The following PPP1R9A variants were observed in gnomAD, a reference collection of about 807,000 sequenced individuals.
The protein encoded by PPP1R9A is protein phosphatase 1 regulatory subunit 9A, also known as neurabin-1.
PPP1R9A carries 59 observed loss-of-function variants against 141.9 expected under a neutral mutation model. The ratio of observed to expected loss-of-function variants is 0.42; its 90% CI spans 0.34 to 0.52. PPP1R9A has a LOEUF of 0.52. Among genes scored for constraint, PPP1R9A ranks in the 20% least tolerant of loss-of-function variants. The probability of loss-of-function intolerance (pLI) is 0.10; values close to 1 mark genes in which losing one functional copy is unlikely to be tolerated. For missense variants in PPP1R9A, 1,444 were observed against 1,611.9 expected, an observed-to-expected ratio of 0.90 and a Z score of 1.78; for synonymous variants, 500 against 569.7, an observed-to-expected ratio of 0.88 and a Z score of 1.74.
At chr7:95,092,046 A>G (rs1276646486) in intron 2 of PPP1R9A, among the ~76,000 whole-genome samples, 1 of 151,976 alleles carries the variant, frequency 6.6e-6, no homozygotes, top group Non-Finnish European at 1.5e-5. Flanking sequence ...TGGTAGCTGC[A>G]CTTCTCCTTT....
chr7:94,916,142 GGCCC>G lies in PPP1R9A; in HGVS notation c.1395+4635_1395+4638del, dbSNP rs772279620. Reference sequence around the variant, plus strand: ...GCTTGCATTCTCATTATCAATACTTGGCCCAGCCTGAGTGTTGCCTCTGTCTCAT... The same window carrying G: ...GCTTGCATTCTCATTATCAATACTTGAGCCTGAGTGTTGCCTCTGTCTCAT... On this transcript the variant is annotated intron_variant, in intron 2 of 19. Coordinates refer to ENST00000433360, the MANE Select transcript of PPP1R9A (RefSeq NM_001166160.2). Among the ~76,000 whole-genome samples the G allele has an allele frequency of 5.6e-3, 854 of 152,018 alleles. 2 individuals are homozygous for G. The highest frequency in any genetic ancestry group is 0.01 in the Middle Eastern group (3 of 294).
At chr7:95,037,708 C>T (rs952717088) in intron 2 of PPP1R9A, among the ~76,000 whole-genome samples, 2 of 152,018 alleles carry the variant, frequency 1.3e-5, no homozygotes, top group African/African-American at 2.4e-5. Flanking sequence ...TGCGTGCGCG[C>T]GTGTGTGTGT....
rs1291138415 is a variant in PPP1R9A, at chr7:95,286,227, T to A, written c.3631T>A (p.Phe1211Ile). 1 of 1,613,458 alleles carries A rather than the reference T, an allele frequency of 6.2e-7. No homozygotes were observed. Among genetic ancestry groups the A allele is most frequent in the South Asian group, 1.1e-5 (1 of 91,072 alleles). ...ETNNFTFNDD[F>I]SPSSTSSADL... ...ACAGAATTTTACCTTCAATGATGAC[T>A]TCAGTCCCAGCAGTACCAGTTCAGC... The change falls in exon 18 of 20, where the codon TTC (phenylalanine) becomes ATC (isoleucine). Residue 1211 changes from phenylalanine (F) to isoleucine (I), a missense_variant. Phe to Ile is a conservative substitution (Grantham distance 21). Around this residue, in one of 5 missense-constraint regions of PPP1R9A, gnomAD observed 459 missense variants for 513.8 expected, o/e 0.89. Transcript: ENST00000433360.
chr7:94,938,609 A>G (rs1283298933), intron 2 of PPP1R9A, among the ~76,000 whole-genome samples: 1 of 152,130 alleles, frequency 6.6e-6, no homozygotes, highest in Non-Finnish European at 1.5e-5. Context: ...TTATTTAAAA[A>G]ATTTCTTTGA....
chr7:95,143,084 C>T (rs562626268), intron 4 of PPP1R9A, among the ~76,000 whole-genome samples: 32 of 152,196 alleles, frequency 2.1e-4, no homozygotes, highest in African/African-American at 3.9e-4. Flanking sequence ...TCCTGGCCCT[C>T]TTTGTTGAAT....
At chr7:95,258,201 T>C (rs889646659) in intron 12 of PPP1R9A, among the ~76,000 whole-genome samples, 3 of 152,140 alleles carry the variant, frequency 2.0e-5, no homozygotes, top group African/African-American at 7.2e-5. Flanking sequence ...TTTTTAATGA[T>C]CACCATTCTA....
chr7:95,026,020 C>T (rs1243701926), intron 2 of PPP1R9A, among the ~76,000 whole-genome samples: 1 of 152,132 alleles, frequency 6.6e-6, no homozygotes, highest in Non-Finnish European at 1.5e-5. Flanking sequence ...TGGGTTAGAA[C>T]ATGTTCCTTT....
At chr7:95,019,433 G>A (rs377489141) in intron 2 of PPP1R9A, among the ~76,000 whole-genome samples, 152 of 152,166 alleles carry the variant, frequency 1.0e-3, no homozygotes, top group Non-Finnish European at 1.4e-3. Context: ...AATCTTCACC[G>A]TTGGGGCATG....
chr7:95,097,180 C>G (rs375359367), intron 2 of PPP1R9A, among the ~76,000 whole-genome samples: 1 of 152,078 alleles, frequency 6.6e-6, no homozygotes, highest in Admixed American at 6.5e-5. Flanking sequence ...CCTGCCACTA[C>G]GCCCAGCTAA....
intron 2 of PPP1R9A, among the ~76,000 whole-genome samples, chr7:94,997,766 C>G (rs1046231995): frequency 5.9e-5 from 9 of 152,162 alleles, no homozygotes; most frequent in Admixed American, 5.9e-4. Flanking sequence ...AAGCTCTGAG[C>G]TCACTAGTAC....
intron 16 of PPP1R9A, among the ~76,000 whole-genome samples, chr7:95,276,280 A>G (rs1585596260): frequency 6.6e-6 from 1 of 152,108 alleles, no homozygotes; most frequent in Admixed American, 6.5e-5. Flanking sequence ...ATTTTGCCAT[A>G]GTAGCCAGAG....
rs1814615272 is a variant in PPP1R9A, at chr7:95,074,942, G to T, written c.1396-36317G>T. Among the ~76,000 whole-genome samples the T allele has an allele frequency of 2.0e-5, 3 of 152,102 alleles. No homozygotes were observed. The South Asian group carries it at 6.2e-4, about 31-fold the overall frequency. On this transcript the variant is annotated intron_variant, in intron 2 of 19. Coordinates refer to ENST00000433360, the MANE Select transcript of PPP1R9A (RefSeq NM_001166160.2). ...ATTTTTGTTTTAAGATATATTGTAA[G>T]TGGAGTTGAATATTTATTTATATTT...
chr7:95,108,924 G>A (rs1317507764), intron 2 of PPP1R9A: 1 of 152,074 alleles, frequency 6.6e-6, no homozygotes, highest in Non-Finnish European at 1.5e-5. Flanking sequence ...CCATTGTTTT[G>A]CAGTCATAAA....
intron 7 of PPP1R9A, 76 bp from the exon 8 acceptor site, chr7:95,225,885 T>C: frequency 6.8e-7 from 1 of 1,479,764 alleles, no homozygotes; most frequent in South Asian, 1.3e-5. Flanking sequence ...TACTTGTCTT[T>C]TATAAAATAT....
intron 2 of PPP1R9A, among the ~76,000 whole-genome samples, chr7:95,039,968 C>T (rs1808992626): frequency 1.3e-5 from 2 of 152,108 alleles, no homozygotes; most frequent in East Asian, 3.9e-4. Context: ...ACCAACAGCC[C>T]ACACCTGAGC....
At chr7:95,193,976 T>G (rs1835880098) in intron 5 of PPP1R9A, among the ~76,000 whole-genome samples, 1 of 152,066 alleles carries the variant, frequency 6.6e-6, no homozygotes, top group Non-Finnish European at 1.5e-5. Context: ...TAAATTAATC[T>G]GAATTCTAAT....
chr7:95,067,728 G>T (rs1813151739), intron 2 of PPP1R9A, among the ~76,000 whole-genome samples: 1 of 151,836 alleles, frequency 6.6e-6, no homozygotes, highest in Non-Finnish European at 1.5e-5. Context: ...TCTAAGTGCT[G>T]AGGTTTGAGA....
At chr7:95,154,486 T>C (rs1238217038) in intron 4 of PPP1R9A, among the ~76,000 whole-genome samples, 1 of 152,158 alleles carries the variant, frequency 6.6e-6, no homozygotes, top group African/African-American at 2.4e-5. Flanking sequence ...GATTCGTAAA[T>C]TAAAATCTTT....
chr7:95,226,608 A>C (rs937759234), intron 8 of PPP1R9A, among the ~76,000 whole-genome samples: 3 of 152,198 alleles, frequency 2.0e-5, no homozygotes, highest in Non-Finnish European at 2.9e-5. Context: ...AGGGACTGGC[A>C]ACAGCAGGAG....
Sources: allele counts gnomAD v4.1 joint callset (sites outside exome capture counted in the v4.1 genomes callset), GRCh38; gene constraint gnomAD v4.1.1; regional missense constraint gnomAD v4.1.1; transcripts MANE v1.5; gene names NCBI Gene and HGNC (gene_info 2026-07-23, HGNC 2026-07-21).